CNTNAP3: variants seen among roughly 807,000 people sequenced by gnomAD.
The protein encoded by CNTNAP3 is contactin-associated protein-like 3.
A neutral mutation model predicts 92.1 loss-of-function variants in CNTNAP3; 36 were observed. The ratio of observed to expected loss-of-function variants is 0.39; its 90% CI spans 0.30 to 0.52. CNTNAP3 has a LOEUF of 0.52. CNTNAP3 is among the 20% of genes least tolerant of loss of function. The pLI, the probability that CNTNAP3 is intolerant of heterozygous loss-of-function variation, is 0.76. For missense variants in CNTNAP3, 534 were observed against 1,069.6 expected, an observed-to-expected ratio of 0.50 and a Z score of 6.98; for synonymous variants, 232 against 422.3, an observed-to-expected ratio of 0.55 and a Z score of 5.53.
intron 15 of CNTNAP3, 62 bp downstream of exon 15, chr9:39,109,098 C>T: frequency 6.4e-7 from 1 of 1,559,744 alleles, no homozygotes; most frequent in Non-Finnish European, 8.7e-7. Flanking sequence ...GGGCATTTGT[C>T]TACTCTTTTA....
chr9:39,110,402 T>C (rs1257538620), intron 14 of CNTNAP3, among the ~76,000 whole-genome samples: 1 of 151,850 alleles, frequency 6.6e-6, no homozygotes, highest in Admixed American at 6.6e-5. Flanking sequence ...TCTCAAAAAA[T>C]ACAAAAAACA....
chr9:39,140,525 T>C lies in CNTNAP3; in HGVS notation c.1870A>G (p.Met624Val), dbSNP rs777332502. Residue 624 changes from methionine (M) to valine (V), a missense_variant, in exon 12 of 24, where the codon ATG (methionine) becomes GTG (valine). Coordinates refer to ENST00000297668, the MANE Select transcript of CNTNAP3 (RefSeq NM_033655.5). ...PLGPFLVYCN[M>V]TADAAWTVVQ... Reference sequence around the variant, plus strand: ...ATAACGATTATCAACATACCTGTCATATTGCAGTACACAAGAAATGGTCCC... The same window carrying C: ...ATAACGATTATCAACATACCTGTCACATTGCAGTACACAAGAAATGGTCCC... 2.5e-6 allele frequency: 4 copies of C among 1,613,612 alleles called. No individual in the cohort carries two copies. The highest frequency in any genetic ancestry group is 1.1e-5 in the South Asian group (1 of 91,032).
chr9:39,146,897 A>G (rs991033699), intron 10 of CNTNAP3, among the ~76,000 whole-genome samples: 5 of 152,120 alleles, frequency 3.3e-5, no homozygotes, highest in African/African-American at 7.2e-5. Context: ...TGAATTAGTG[A>G]TACGGTTTGG....
At chr9:39,093,492 A>C (rs1266056976) in intron 18 of CNTNAP3, among the ~76,000 whole-genome samples, 1 of 151,280 alleles carries the variant, frequency 6.6e-6, no homozygotes, top group Non-Finnish European at 1.5e-5. Flanking sequence ...TCATCATCCC[A>C]AAATTAAACT....
chr9:39,107,434 G>A (rs1826635377), intron 15 of CNTNAP3, among the ~76,000 whole-genome samples: 1 of 151,608 alleles, frequency 6.6e-6, no homozygotes, highest in Admixed American at 6.6e-5. Flanking sequence ...ATGGGATGGA[G>A]GAAGGAAATT....
At chr9:39,131,425 T>C (rs907000004) in intron 13 of CNTNAP3, among the ~76,000 whole-genome samples, 1 of 152,108 alleles carries the variant, frequency 6.6e-6, no homozygotes, top group Non-Finnish European at 1.5e-5. Context: ...AGACCTTTGC[T>C]CTTTCTACTA....
In CNTNAP3 at chr9:39,068,187, C is replaced by G. The variant is rs1316672955; in HGVS notation, c.*5703G>C. On this transcript the variant is annotated 3_prime_UTR_variant, in exon 24 of 24. Transcript: ENST00000297668. ...GGCTGAGGTGGGCAGATCATGAGAT[C>G]CAGAGATCGAGACCATCCTGGCTAA... Among the ~76,000 whole-genome samples the G allele has an allele frequency of 6.6e-6, 1 of 152,144 alleles. No individual in the cohort carries two copies. The highest frequency in any genetic ancestry group is 1.5e-5 in the Non-Finnish European group (1 of 68,046).
intron 14 of CNTNAP3, among the ~76,000 whole-genome samples, chr9:39,115,479 A>T (rs1253068252): frequency 2.3e-5 from 1 of 43,410 alleles, no homozygotes; most frequent in Non-Finnish European, 4.4e-5. Context: ...GTAATTTCCC[A>T]CCCCCCCACC....
intron 15 of CNTNAP3, among the ~76,000 whole-genome samples, chr9:39,105,835 A>G (rs1211124037): frequency 6.7e-6 from 1 of 149,130 alleles, no homozygotes; most frequent in Non-Finnish European, 1.5e-5. Context: ...GTCAGCTAGG[A>G]AATATGTGTA....
chr9:39,100,310 C>T (rs1181343618), intron 17 of CNTNAP3, 160 bp from the exon 18 acceptor site: 1 of 1,490,078 alleles, frequency 6.7e-7, no homozygotes, highest in Non-Finnish European at 9.0e-7. Context: ...TGTTATGAGA[C>T]ATGAAGCTTT....
intron 8 of CNTNAP3, among the ~76,000 whole-genome samples, chr9:39,168,017 T>G (rs1211065500): frequency 7.0e-6 from 1 of 142,616 alleles, no homozygotes; most frequent in African/African-American, 2.8e-5. Flanking sequence ...TTTTTTTTTG[T>G]TTTTGTTTTT....
At chr9:39,104,477 T>TATACACAC (rs1826548526) in intron 15 of CNTNAP3, among the ~76,000 whole-genome samples, 1 of 123,108 alleles carries the variant, frequency 8.1e-6, no homozygotes, top group Non-Finnish European at 1.7e-5. Context: ...CACATACACA[T>TATACACAC]ACACACACAC....
intron 13 of CNTNAP3, among the ~76,000 whole-genome samples, chr9:39,125,437 AC>A (rs894640373): frequency 6.6e-6 from 1 of 152,120 alleles, no homozygotes; most frequent in South Asian, 2.1e-4. Context: ...CAGCACACCA[AC>A]ATGGCACATG....
At chr9:39,184,017 G>A (rs562939526) in intron 4 of CNTNAP3, among the ~76,000 whole-genome samples, 6 of 148,206 alleles carry the variant, frequency 4.0e-5, no homozygotes, top group South Asian at 2.1e-4. Context: ...AAATTGTATC[G>A]TGTATGTGTT....
At chr9:39,139,371 G>C (rs1821517310) in intron 12 of CNTNAP3, among the ~76,000 whole-genome samples, 1 of 152,148 alleles carries the variant, frequency 6.6e-6, no homozygotes, top group African/African-American at 2.4e-5. Flanking sequence ...GGAGGTAATT[G>C]GTATCTTATG....
At chr9:39,075,708 C>T (rs1288318397) in intron 23 of CNTNAP3, among the ~76,000 whole-genome samples, 1 of 152,284 alleles carries the variant, frequency 6.6e-6, no homozygotes, top group Non-Finnish European at 1.5e-5. Context: ...TTCTTGCCTT[C>T]GGACACCTAA....
chr9:39,080,677 T>G (rs1825912257), intron 21 of CNTNAP3, among the ~76,000 whole-genome samples: 1 of 131,602 alleles, frequency 7.6e-6, no homozygotes, highest in Non-Finnish European at 1.6e-5. Flanking sequence ...TTTTTTTTTT[T>G]TTTGAGATGG....
intron 14 of CNTNAP3, among the ~76,000 whole-genome samples, chr9:39,117,237 C>T (rs1820880659): frequency 6.6e-6 from 1 of 152,082 alleles, no homozygotes; most frequent in Non-Finnish European, 1.5e-5. Flanking sequence ...GGTGATCCAC[C>T]TGCCTTGGCC....
At chr9:39,136,923 C>G (rs1436377113) in intron 12 of CNTNAP3, among the ~76,000 whole-genome samples, 1 of 152,092 alleles carries the variant, frequency 6.6e-6, no homozygotes, top group East Asian at 1.9e-4. Flanking sequence ...TTACTTTTAT[C>G]TTTGAATTCT....
Sources: gnomAD v4.1 joint callset for allele counts (sites outside exome capture counted in the v4.1 genomes callset) on GRCh38, gnomAD v4.1.1 for gene constraint, MANE v1.5 for transcripts, NCBI Gene and HGNC (gene_info 2026-07-23, HGNC 2026-07-21) for gene names.